The following ZFHX2 variants were observed in gnomAD, a reference collection of about 807,000 sequenced individuals.
The protein encoded by ZFHX2 is zinc finger homeobox 2.
In ZFHX2, 75 loss-of-function variants were observed where a neutral mutation model predicts 164.8. The observed-to-expected ratio is 0.46, with a 90% CI of 0.38 to 0.55. The LOEUF (loss-of-function observed/expected upper bound fraction) is 0.55. ZFHX2 is among the 20% of genes least tolerant of loss of function. The pLI is 0.00. For synonymous variants in ZFHX2, 1,217 were observed against 1,351.4 expected, an observed-to-expected ratio of 0.90 and a Z score of 2.18; for missense variants, 2,933 against 3,308.0, an observed-to-expected ratio of 0.89 and a Z score of 2.78.
chr14:23,531,812 C>G, intron 3 of ZFHX2, 91 bp from the exon 4 acceptor site: 1 of 1,258,768 alleles, frequency 7.9e-7, no homozygotes, highest in East Asian at 3.1e-5. Context: ...GAGTCTTGCC[C>G]TGTTGCCCAG....
At position 23,522,443 on chromosome 14, in the gene ZFHX2, G is replaced by A. The variant is rs1441111580; in HGVS notation, c.7238C>T (p.Thr2413Ile). 6.5e-7 allele frequency: 1 copy of A among 1,536,350 alleles called. No homozygotes were observed. Among genetic ancestry groups the A allele is most frequent in the Non-Finnish European group, 8.7e-7 (1 of 1,146,908 alleles). The change falls in exon 10 of 10, where the codon ACA (threonine) becomes ATA (isoleucine). Residue 2413 changes from threonine (T) to isoleucine (I), a missense_variant. Coordinates refer to ENST00000419474, the MANE Select transcript of ZFHX2 (RefSeq NM_033400.3). ...CAGTTCAGGAGGCTTTGGAGGTGCT[G>A]TGGCTGTGGGCTCAGGGGGCTGGGG... is the stretch of plus-strand genomic sequence containing the variant. ...PPPQPPEPTA[T>I]APPKPPELPA...
chr14:23,541,493 G>C (rs1002664557), intron 1 of ZFHX2, among the ~76,000 whole-genome samples: 2 of 151,800 alleles, frequency 1.3e-5, no homozygotes, highest in African/African-American at 4.8e-5. Flanking sequence ...CTCCATGTTG[G>C]TCAGGCTGGT....
chr14:23,523,380 A>G lies in ZFHX2; in HGVS notation c.6562T>C (p.Cys2188Arg). ...VRAQLKSESK[C>R]YDLAPAPEAP... ...TCAGGTGCTGGGGCCAAGTCGTAGC[A>G]CTTGCTTTCACTCTTCAGCTGGGCT... is the stretch of plus-strand genomic sequence containing the variant. The change falls in exon 9 of 10, where the codon TGC becomes CGC. Residue 2188 changes from cysteine (C) to arginine (R), a missense_variant. By Grantham distance (180) the Cys-to-Arg change is radical. Transcript: ENST00000419474. The surrounding 1 kb of genome is among the most constrained non-coding windows in gnomAD (Gnocchi z 4.1). The G allele has an allele frequency of 1.3e-6, 2 of 1,494,192 alleles. No homozygotes were observed. Among genetic ancestry groups the G allele is most frequent in the Non-Finnish European group, 1.8e-6 (2 of 1,125,500 alleles). The allele number at this position is 1,494,192 out of a possible 1,614,324, so 92.6% of individuals were successfully genotyped here.
In ZFHX2 at chr14:23,535,015, CCTT is replaced by C. The variant is rs982506323; in HGVS notation, c.308_310del (p.Glu103del). On this transcript the variant is annotated inframe_deletion, in exon 2 of 10. Transcript: ENST00000419474. The surrounding 1 kb of genome is among the most constrained non-coding windows in gnomAD (Gnocchi z 4.5). ...GTTGCTTAGGTCCATGGGAGGGAGCCCTTCTTCTTCCTCCTCCTGCTCCTTGTC... is the reference window on the plus strand; with the variant it reads ...GTTGCTTAGGTCCATGGGAGGGAGCCCTTCTTCCTCCTCCTGCTCCTTGTC... 1.8e-5 allele frequency: 27 copies of C among 1,535,934 alleles called. No individual in the cohort carries two copies. The highest frequency in any genetic ancestry group is 3.3e-4 in the Middle Eastern group (2 of 6,014).
rs759827453 is a variant in ZFHX2, at chr14:23,524,246, C to T, written c.5696G>A (p.Arg1899Gln). 1.5e-5 allele frequency: 23 copies of T among 1,536,340 alleles called. No individual in the cohort carries two copies. The highest frequency in any genetic ancestry group is 1.7e-4 in the Middle Eastern group (1 of 6,014). ...CISEEVGLKKRVVQVWFQNTR... is the reference protein window; with the variant it reads ...CISEEVGLKKQVVQVWFQNTR... ...ATTCTGGAACCAGACCTGTACCACT[C>T]GCTTTTTGAGCCCCACCTCCTCGGA... The change falls in exon 9 of 10, where the codon CGA (arginine) becomes CAA (glutamine). Residue 1899 changes from arginine (R) to glutamine (Q), a missense_variant. Arg to Gln is a conservative substitution (Grantham distance 43, BLOSUM62 1). Transcript: ENST00000419474. This position sits in a 1 kb window ranked among gnomAD's most constrained non-coding sequence, Gnocchi z 5.6.
Position 23,522,871 on chromosome 14 carries a change from A to C in ZFHX2, c.6810T>G (p.Thr2270=), listed in dbSNP as rs759298000. The C allele has an allele frequency of 1.3e-6, 2 of 1,512,494 alleles. No individual in the cohort carries two copies. Among genetic ancestry groups the C allele is most frequent in the South Asian group, 2.5e-5 (2 of 80,106 alleles). The allele number at this position is 1,512,494 out of a possible 1,614,324, so 93.7% of individuals were successfully genotyped here. ...GAGGTAAGGGGCGGCCTGGGCCAGC[A>C]GTCTGGACCACTGTGGTGGTAGGCA... ...SVLPTTTVVQ[T]AGPGRPLPQR... is the part of the protein sequence containing the mutation. Residue 2270 remains threonine, a synonymous_variant, in exon 10 of 10, where the codon ACT becomes ACG. Transcript: ENST00000419474.
At chr14:23,551,973 G>A (rs559371573), upstream of ZFHX2, among the ~76,000 whole-genome samples, 12 of 152,250 alleles carry the variant, frequency 7.9e-5, no homozygotes, top group African/African-American at 2.6e-4. The surrounding 1 kb of genome is among the most constrained non-coding windows in gnomAD (Gnocchi z 5.3). Context: ...ACTCTTTTCC[G>A]TCTCCTCTCC....
rs1034212072 is a variant in ZFHX2, at chr14:23,533,404, C to T, written c.1922G>A (p.Gly641Glu). 4.7e-6 allele frequency: 7 copies of T among 1,497,898 alleles called. No homozygotes were observed. The East Asian group carries it at 1.2e-4, about 26-fold the overall frequency. 92.8% of individuals were successfully genotyped at this position (1,497,898 alleles called of 1,614,324 possible). ...LFQYFGPQAL[G>E]QPQTPLAGPG... is the part of the protein sequence containing the mutation. Reference sequence around the variant, plus strand: ...GCCAGCCAAGGGAGTCTGAGGCTGCCCTAGGGCCTGGGGCCCAAAGTACTG... The same window carrying T: ...GCCAGCCAAGGGAGTCTGAGGCTGCTCTAGGGCCTGGGGCCCAAAGTACTG... Residue 641 changes from glycine to glutamate, a missense_variant, in exon 2 of 10, where the codon GGG becomes GAG. Gly to Glu is a moderately conservative substitution (Grantham distance 98). Transcript: ENST00000419474. The surrounding 1 kb of genome is among the most constrained non-coding windows in gnomAD (Gnocchi z 4.8).
Position 23,533,179 on chromosome 14 carries a change from A to G in ZFHX2, c.2042-95T>C. ...TGGGTTAATGAGTAGGATAGTGCTC[A>G]GAGGGACTTATGGTTACCTAAGTGG... On this transcript the variant is annotated intron_variant, in intron 2 of 9. Transcript: ENST00000419474. The surrounding 1 kb of genome is among the most constrained non-coding windows in gnomAD (Gnocchi z 4.8). The G allele has an allele frequency of 6.9e-7, 1 of 1,441,454 alleles. No individual in the cohort carries two copies. Among genetic ancestry groups the G allele is most frequent in the Non-Finnish European group, 9.1e-7 (1 of 1,101,860 alleles). The allele number at this position is 1,441,454 out of a possible 1,614,324, so 89.3% of individuals were successfully genotyped here.
At chr14:23,543,883 G>A (rs896946627) in intron 1 of ZFHX2, 2 of 151,976 alleles carry the variant, frequency 1.3e-5, no homozygotes, top group Non-Finnish European at 2.9e-5. Context: ...AGACAGACCT[G>A]GAATCAAATT....
intron 6 of ZFHX2, chr14:23,528,895 C>A: frequency 1.1e-6 from 1 of 935,244 alleles, no homozygotes; most frequent in Non-Finnish European, 1.3e-6. Flanking sequence ...GCCTGTGTGT[C>A]AGGGAGGGGA....
chr14:23,552,129 C>A (rs530577119), upstream of ZFHX2, among the ~76,000 whole-genome samples: 5 of 152,226 alleles, frequency 3.3e-5, no homozygotes, highest in South Asian at 6.2e-4. Flanking sequence ...CATCTCCCCC[C>A]GCGAAATTGG....
Position 23,524,415 on chromosome 14 carries a change from C to G in ZFHX2, c.5527G>C (p.Gly1843Arg). The G allele has an allele frequency of 6.5e-7, 1 of 1,536,216 alleles. No individual in the cohort carries two copies. The change falls in exon 9 of 10, where the codon GGC (glycine) becomes CGC (arginine). Residue 1843 changes from glycine (G) to arginine (R), a missense_variant. Transcript: ENST00000419474. The surrounding 1 kb of genome is among the most constrained non-coding windows in gnomAD (Gnocchi z 5.6). Reference sequence around the variant, plus strand: ...TCCCCTCCTCCCCCTGCTTCACTGCCTGTGGGAGACAAGCTGCCGTCCTCA... The same window carrying G: ...TCCCCTCCTCCCCCTGCTTCACTGCGTGTGGGAGACAAGCTGCCGTCCTCA... ...KHEDGSLSPTGSEAGGGGEGE... is the reference protein window; with the variant it reads ...KHEDGSLSPTRSEAGGGGEGE...
In ZFHX2 at chr14:23,545,775, A is replaced by C. The variant is rs937765310; in HGVS notation, c.-50+5568T>G. ...CAACTGTGATGGAGGCAAGAGAAGC[A>C]GCAAAATCTAGACCCATGCCCATGG... On this transcript the variant is annotated intron_variant, in intron 1 of 9. Transcript: ENST00000419474. Among the ~76,000 whole-genome samples, 8 of 152,348 alleles carry C rather than the reference A, an allele frequency of 5.3e-5. No homozygotes were observed. The East Asian group carries it at 1.5e-3, about 29-fold the overall frequency.
chr14:23,528,610 A>T, intron 6 of ZFHX2: 1 of 985,054 alleles, frequency 1.0e-6, no homozygotes, highest in Non-Finnish European at 1.2e-6. Context: ...GTGAACCATC[A>T]CCTGGAAAGG....
At position 23,533,545 on chromosome 14, in the gene ZFHX2, A is replaced by G. The variant is rs145703622; in HGVS notation, c.1781T>C (p.Met594Thr). ...LRIHMTSEKH[M>T]QNVLMLHQGL... ...CTGGTGCAGCATTAGGACATTCTGC[A>G]TGTGCTTCTCAGAGGTCATATGGAT... Residue 594 changes from methionine to threonine, a missense_variant, in exon 2 of 10, where the codon ATG becomes ACG. Physicochemically the swap from Met to Thr is moderately conservative, Grantham distance 81. Transcript: ENST00000419474. The surrounding 1 kb of genome is among the most constrained non-coding windows in gnomAD (Gnocchi z 4.8). 3.1e-5 allele frequency: 48 copies of G among 1,536,256 alleles called. No individual in the cohort carries two copies. The highest frequency in any genetic ancestry group is 3.6e-5 in the South Asian group (3 of 84,066).
rs536177496 is a variant in ZFHX2, at chr14:23,525,826, G to A, written c.4116C>T (p.Leu1372=). Residue 1372 remains leucine (L), a synonymous_variant, in exon 9 of 10, where the codon CTC becomes CTT. Transcript: ENST00000419474. The surrounding 1 kb of genome is among the most constrained non-coding windows in gnomAD (Gnocchi z 5.9). ...QLLLPFYLHD[L]KVGPKLTLAG... ...CTAGTGTCAGCTTGGGCCCCACCTT[G>A]AGATCGTGGAGGTAGAAGGGCAGGA... is the stretch of plus-strand genomic sequence containing the variant. 1.9e-5 allele frequency: 27 copies of A among 1,458,508 alleles called. No individual in the cohort carries two copies. The Admixed American group carries it at 6.4e-4, about 35-fold the overall frequency. 90.3% of individuals were successfully genotyped at this position (1,458,508 alleles called of 1,614,324 possible).
chr14:23,526,940 C>T lies in ZFHX2; in HGVS notation c.3169G>A (p.Val1057Met). ...TTVEMTFTTK[V>M]LSAPTLSPLD... Reference sequence around the variant, plus strand: ...GGGCTTAATGTGGGTGCAGACAGCACTTTGGTTGTAAATGTCATTTCTACA... The same window carrying T: ...GGGCTTAATGTGGGTGCAGACAGCATTTTGGTTGTAAATGTCATTTCTACA... The change falls in exon 8 of 10, where the codon GTG (valine) becomes ATG (methionine). Residue 1057 changes from valine to methionine, a missense_variant. Transcript: ENST00000419474. 1 of 1,528,396 alleles carries T rather than the reference C, an allele frequency of 6.5e-7. No individual in the cohort carries two copies. 94.7% of individuals were successfully genotyped at this position (1,528,396 alleles called of 1,614,324 possible).
rs748371876 is a variant in ZFHX2 at position 23,533,908 on chromosome 14, C to T, written c.1418G>A (p.Arg473Gln). 1.8e-5 allele frequency: 27 copies of T among 1,537,890 alleles called. No individual in the cohort carries two copies. The South Asian group carries it at 2.0e-4, about 12-fold the overall frequency. Residue 473 changes from arginine to glutamine, a missense_variant, in exon 2 of 10, where the codon CGA (arginine) becomes CAA (glutamine). Physicochemically the swap from Arg to Gln is conservative, Grantham distance 43. Transcript: ENST00000419474. This position sits in a 1 kb window ranked among gnomAD's most constrained non-coding sequence, Gnocchi z 4.8. ...ACTGTTGCTCTCAGGGTGCTTCTCT[C>T]GCATGTGCACATCCAGGGTCTGCTG... is the stretch of plus-strand genomic sequence containing the variant. ...KYQQTLDVHMREKHPESNSHC... is the reference protein window; with the variant it reads ...KYQQTLDVHMQEKHPESNSHC...
Sources: allele counts gnomAD v4.1 joint callset (sites outside exome capture counted in the v4.1 genomes callset), GRCh38; gene constraint gnomAD v4.1.1; non-coding constraint Gnocchi (gnomAD v3.1); transcripts MANE v1.5; gene names NCBI Gene and HGNC (gene_info 2026-07-23, HGNC 2026-07-21).